The following PTCHD4 variants were observed in gnomAD, a reference collection of about 807,000 sequenced individuals.
PTCHD4 encodes patched domain containing 4.
PTCHD4 carries 33 observed loss-of-function variants against 58.1 expected under a neutral mutation model. The observed-to-expected ratio is 0.57, with a 90% CI of 0.43 to 0.76. PTCHD4 has a LOEUF of 0.76. Ranked by LOEUF, PTCHD4 falls within the 30% of genes least tolerant of loss-of-function variation. The probability of loss-of-function intolerance (pLI) is 0.00; values close to 1 mark genes in which losing one functional copy is unlikely to be tolerated. For missense variants in PTCHD4, 1,058 were observed against 1,027.1 expected, an observed-to-expected ratio of 1.03 and a Z score of -0.41; for synonymous variants, 478 against 409.6, an observed-to-expected ratio of 1.17 and a Z score of -2.02.
In PTCHD4 at chr6:47,864,460, T is replaced by C. The variant is rs1763506080; in HGVS notation, c.*13843A>G. On this transcript the variant is annotated 3_prime_UTR_variant, in exon 5 of 5. Coordinates refer to ENST00000339488, the MANE Select transcript of PTCHD4 (RefSeq NM_001384253.1). The stretch of plus-strand genomic sequence containing the variant: ...ACATAGAAGATGTTTAAAATTCTTC[T>C]TGAATGAAAGATTTGGAGAATAAAG... Among the ~76,000 whole-genome samples, 1 of 151,890 alleles carries C rather than the reference T, an allele frequency of 6.6e-6. No homozygotes were observed. The highest frequency in any genetic ancestry group is 1.5e-5 in the Non-Finnish European group (1 of 67,876).
chr6:48,096,286 A>G (rs1034563914), intron 1 of PTCHD4, among the ~76,000 whole-genome samples: 3 of 152,134 alleles, frequency 2.0e-5, no homozygotes, highest in Non-Finnish European at 4.4e-5. Flanking sequence ...ACAGACACAT[A>G]AGGGGACACA....
At chr6:48,075,991 G>T (rs535923485) in intron 1 of PTCHD4, among the ~76,000 whole-genome samples, 7 of 152,096 alleles carry the variant, frequency 4.6e-5, no homozygotes, top group Admixed American at 3.9e-4. Context: ...TTGTTTGATC[G>T]CATTTCACCC....
intron 4 of PTCHD4, among the ~76,000 whole-genome samples, chr6:47,925,402 A>C (rs1765575619): frequency 6.6e-6 from 1 of 152,198 alleles, no homozygotes. Flanking sequence ...TATGGTGACT[A>C]TCTGCAGCCA....
chr6:48,085,495 G>A (rs1470665086), intron 1 of PTCHD4, among the ~76,000 whole-genome samples: 1 of 152,104 alleles, frequency 6.6e-6, no homozygotes, highest in Non-Finnish European at 1.5e-5. Context: ...TGATCATCAA[G>A]AACCAAGAAA....
intron 3 of PTCHD4, among the ~76,000 whole-genome samples, chr6:48,038,807 T>C (rs1327393860): frequency 6.6e-6 from 1 of 152,160 alleles, no homozygotes; most frequent in African/African-American, 2.4e-5. Flanking sequence ...CTGTGGTTTC[T>C]ATTTTCTTTT....
intron 4 of PTCHD4, among the ~76,000 whole-genome samples, chr6:47,882,360 T>A (rs1285907219): frequency 6.6e-6 from 1 of 152,096 alleles, no homozygotes; most frequent in African/African-American, 2.4e-5. Context: ...TAAACCATAT[T>A]AGATTAGGTA....
rs115506384 is a variant in PTCHD4 at position 47,868,814 on chromosome 6, T to C, written c.*9489A>G. 0.013 allele frequency among the ~76,000 whole-genome samples: 2,018 copies of C among 151,794 alleles called. 21 individuals are homozygous for C. The highest frequency in any genetic ancestry group is 0.026 in the South Asian group (124 of 4,816). On this transcript the variant is annotated 3_prime_UTR_variant, in exon 5 of 5. Transcript: ENST00000339488. The stretch of plus-strand genomic sequence containing the variant: ...TAAAGAAAAGTTATTTTAGAAATGA[T>C]AAAAGTTGAACATATTTAAAGGAAA...
At chr6:47,882,090 C>T (rs1356994368) in intron 4 of PTCHD4, among the ~76,000 whole-genome samples, 2 of 152,208 alleles carry the variant, frequency 1.3e-5, no homozygotes, top group Middle Eastern at 3.4e-3. Flanking sequence ...AGTACTTGCT[C>T]TATTATTCCC....
chr6:48,066,128 C>G (rs1467740150), intron 3 of PTCHD4, among the ~76,000 whole-genome samples: 2 of 151,342 alleles, frequency 1.3e-5, no homozygotes, highest in Non-Finnish European at 2.9e-5. Flanking sequence ...GACGGGATCC[C>G]TCTGTCACCC....
In PTCHD4 at chr6:47,870,975, A is replaced by G. The variant is rs1017302855; in HGVS notation, c.*7328T>C. Among the ~76,000 whole-genome samples, 1 of 151,634 alleles carries G rather than the reference A, an allele frequency of 6.6e-6. No homozygotes were observed. The highest frequency in any genetic ancestry group is 2.4e-5 in the African/African-American group (1 of 41,384). ...AGACATCTGGAATTGATGGTTTGCC[A>G]TGAGGTTTGTAGTGTTAATACATCA... On this transcript the variant is annotated 3_prime_UTR_variant, in exon 5 of 5. Coordinates refer to ENST00000339488, the MANE Select transcript of PTCHD4 (RefSeq NM_001384253.1).
rs373032737 is a variant in PTCHD4, at chr6:48,106,220, G to A, written c.-970+4829C>T. Among the ~76,000 whole-genome samples the A allele has an allele frequency of 2.1e-4, 32 of 152,130 alleles. No individual in the cohort carries two copies. In the East Asian group the frequency reaches 3.1e-3, roughly 15 times the overall value. On this transcript the variant is annotated intron_variant, in intron 1 of 4. Coordinates refer to ENST00000339488, the MANE Select transcript of PTCHD4 (RefSeq NM_001384253.1). ...ATCCTCAATAAAATACTGGCAAACC[G>A]CATCCAGCAACACATCAAAAAGCTT...
rs116667908 is a variant in PTCHD4, at chr6:48,069,585, C to G, written c.-628G>C. Among the ~76,000 whole-genome samples, 1,341 of 152,332 alleles carry G rather than the reference C, an allele frequency of 8.8e-3. 31 individuals carry two copies. Among genetic ancestry groups the G allele is most frequent in the African/African-American group, 0.031 (1,271 of 41,584 alleles). ...AGGGCTGCGGAGACTCCATCTATCCCTGGTGCGTTGGGACCGTCTGGATAG... is the reference window on the plus strand; with the variant it reads ...AGGGCTGCGGAGACTCCATCTATCCGTGGTGCGTTGGGACCGTCTGGATAG... On this transcript the variant is annotated 5_prime_UTR_variant, in exon 2 of 5. Transcript: ENST00000339488.
At chr6:47,982,965 T>A (rs1161668719) in intron 4 of PTCHD4, among the ~76,000 whole-genome samples, 1 of 152,218 alleles carries the variant, frequency 6.6e-6, no homozygotes, top group Admixed American at 6.5e-5. Context: ...TTGAAATTTT[T>A]TAAAAGGCTA....
At chr6:47,958,669 G>C (rs1439516467) in intron 4 of PTCHD4, among the ~76,000 whole-genome samples, 1 of 152,216 alleles carries the variant, frequency 6.6e-6, no homozygotes, top group African/African-American at 2.4e-5. Flanking sequence ...CAGATCTGCA[G>C]AGTCTGCTTC....
intron 4 of PTCHD4, among the ~76,000 whole-genome samples, chr6:47,897,213 CT>C (rs1424217523): frequency 2.6e-5 from 4 of 152,120 alleles, no homozygotes; most frequent in African/African-American, 9.7e-5. Flanking sequence ...AACTATTCTT[CT>C]CCAAGCACTG....
intron 3 of PTCHD4, among the ~76,000 whole-genome samples, chr6:48,037,627 A>G (rs756904961): frequency 9.9e-5 from 15 of 152,166 alleles, no homozygotes; most frequent in Non-Finnish European, 1.8e-4. Context: ...GACAGAATTT[A>G]TGACATGTAA....
chr6:47,985,621 C>T lies in PTCHD4; in HGVS notation c.898+23013G>A, dbSNP rs148932704. ...AGTTTTAATTAAATAAAATTCATGC[C>T]GATTCAATTGCTATTTGTATTATAT... On this transcript the variant is annotated intron_variant, in intron 4 of 4. Coordinates refer to ENST00000339488, the MANE Select transcript of PTCHD4 (RefSeq NM_001384253.1). Among the ~76,000 whole-genome samples the T allele has an allele frequency of 3.1e-3, 465 of 151,938 alleles. 3 individuals carry two copies. The highest frequency in any genetic ancestry group is 0.011 in the African/African-American group (439 of 41,464).
intron 1 of PTCHD4, among the ~76,000 whole-genome samples, chr6:48,110,285 T>C (rs1380458338): frequency 6.6e-6 from 1 of 152,114 alleles, no homozygotes; most frequent in Non-Finnish European, 1.5e-5. Context: ...TATTTAGTCT[T>C]TGGAAAGATA....
At chr6:48,078,314 CCCA>C (rs1254169730) in intron 1 of PTCHD4, among the ~76,000 whole-genome samples, 3 of 152,102 alleles carry the variant, frequency 2.0e-5, no homozygotes, top group Non-Finnish European at 4.4e-5. Flanking sequence ...TTGGGAGTGG[CCCA>C]CCACTCAAGA....
Sources: gnomAD v4.1 joint callset for allele counts (sites outside exome capture counted in the v4.1 genomes callset) on GRCh38, gnomAD v4.1.1 for gene constraint, MANE v1.5 for transcripts, NCBI Gene and HGNC (gene_info 2026-07-23, HGNC 2026-07-21) for gene names.